Variants in SLC6A6 observed in about 807,000 individuals in gnomAD.
The protein encoded by SLC6A6 is sodium- and chloride-dependent taurine transporter.
SLC6A6 carries 16 observed loss-of-function variants against 68.8 expected under a neutral mutation model. The observed-to-expected ratio is 0.23, with a 90% confidence interval of 0.16 to 0.35. SLC6A6 has a LOEUF of 0.35. Ranked by LOEUF, SLC6A6 falls within the 10% of genes least tolerant of loss-of-function variation. The pLI is 1.00. For missense variants in SLC6A6, 474 were observed against 802.8 expected (o/e 0.59, Z 4.95); for synonymous variants, 312 against 315.4 (o/e 0.99, Z 0.12).
At chr3:14,438,607 G>A (rs1699913112) in intron 2 of SLC6A6, among the ~76,000 whole-genome samples, 1 of 152,314 alleles carries the variant, frequency 6.6e-6, no homozygotes, top group East Asian at 1.9e-4. Flanking sequence ...TGGGACTCTA[G>A]GAGCTGCTTG....
intron 14 of SLC6A6, among the ~76,000 whole-genome samples, chr3:14,482,748 C>T (rs1701037233): frequency 6.6e-6 from 1 of 152,030 alleles, no homozygotes; most frequent in Non-Finnish European, 1.5e-5. Flanking sequence ...TGGGGGGGCC[C>T]CTGGGGTTAT....
intron 1 of SLC6A6, among the ~76,000 whole-genome samples, chr3:14,410,261 T>C (rs1699219164): frequency 1.3e-5 from 2 of 151,368 alleles, no homozygotes; most frequent in African/African-American, 4.9e-5. Context: ...CATTCATTGC[T>C]TGTGTGAACC....
intron 1 of SLC6A6, among the ~76,000 whole-genome samples, chr3:14,403,417 C>T (rs1699033327): frequency 1.3e-5 from 2 of 152,120 alleles, no homozygotes; most frequent in African/African-American, 2.4e-5. Context: ...GTGCGTGTCC[C>T]TGAGTGTGGT....
At chr3:14,417,548 G>A (rs373175042) in intron 2 of SLC6A6, among the ~76,000 whole-genome samples, 20 of 151,974 alleles carry the variant, frequency 1.3e-4, no homozygotes, top group African/African-American at 2.4e-4. Flanking sequence ...TGGCTAACAC[G>A]GTGAAACCCT....
rs1701132207 is a variant in SLC6A6 at position 14,485,420 on chromosome 3, A to G, written c.*413A>G. ...GCAATAGATCTCATTTTCAAAAGCAATTCTTCGGTGCTGTGTAGCTGGCAG... is the reference window on the plus strand; with the variant it reads ...GCAATAGATCTCATTTTCAAAAGCAGTTCTTCGGTGCTGTGTAGCTGGCAG... On this transcript the variant is annotated 3_prime_UTR_variant, in exon 15 of 15. Coordinates refer to ENST00000622186, the MANE Select transcript of SLC6A6 (RefSeq NM_003043.6). The G allele has an allele frequency of 6.4e-6, 1 of 156,244 alleles. No individual in the cohort carries two copies. Among genetic ancestry groups the G allele is most frequent in the Non-Finnish European group, 1.4e-5 (1 of 70,326 alleles). 9.7% of individuals were successfully genotyped at this position (156,244 alleles called of 1,614,324 possible). A position where few individuals can be genotyped will look rare whatever the true frequency, so the allele number is the denominator to read the frequency against.
intron 5 of SLC6A6, chr3:14,448,178 A>G (rs774576074): frequency 3.2e-5 from 25 of 772,770 alleles, no homozygotes; most frequent in Middle Eastern, 5.6e-4. Context: ...CTGTTATTGC[A>G]CAGAGAAAAA....
chr3:14,427,688 C>T (rs149480319), intron 2 of SLC6A6, among the ~76,000 whole-genome samples: 13 of 152,280 alleles, frequency 8.5e-5, no homozygotes, highest in Admixed American at 6.5e-4. Flanking sequence ...GGTAACATTC[C>T]TCTCCTGAAG....
intron 2 of SLC6A6, among the ~76,000 whole-genome samples, chr3:14,437,012 G>A (rs1211326985): frequency 1.3e-5 from 2 of 151,004 alleles, no homozygotes; most frequent in Non-Finnish European, 2.9e-5. Flanking sequence ...GACTTCAGAG[G>A]CCAAGACAGA....
intron 7 of SLC6A6, among the ~76,000 whole-genome samples, chr3:14,467,132 G>A (rs1487838861): frequency 2.0e-5 from 3 of 152,176 alleles, no homozygotes; most frequent in Non-Finnish European, 4.4e-5. Context: ...ACTCAGCCTT[G>A]TGACCTTGGG....
intron 2 of SLC6A6, among the ~76,000 whole-genome samples, chr3:14,434,999 C>T (rs540610501): frequency 5.9e-5 from 9 of 152,294 alleles, no homozygotes; most frequent in South Asian, 4.1e-4. Context: ...AGACTCATAC[C>T]GTGTCTCGCC....
In SLC6A6 at chr3:14,468,821, G is replaced by A. The variant is rs1700687568; in HGVS notation, c.1096+609G>A. Among the ~76,000 whole-genome samples, 1 of 152,166 alleles carries A rather than the reference G, an allele frequency of 6.6e-6. No homozygotes were observed. Among genetic ancestry groups the A allele is most frequent in the Non-Finnish European group, 1.5e-5 (1 of 68,024 alleles). On this transcript the variant is annotated intron_variant, in intron 9 of 14. Coordinates refer to ENST00000622186, the MANE Select transcript of SLC6A6 (RefSeq NM_003043.6). The surrounding 1 kb of genome is among the most constrained non-coding windows in gnomAD (Gnocchi z 4.5). ...TAAGCACAGTGTCGCCCCTCGGGGT[G>A]TGGGCCCTGTTGACCAGGCACTCTT...
intron 4 of SLC6A6, 37 bp downstream of exon 4, chr3:14,445,888 T>C (rs1439758749): frequency 6.2e-7 from 1 of 1,608,832 alleles, no homozygotes; most frequent in Admixed American, 1.7e-5. Context: ...GGCCTGGCAC[T>C]CATCAGTTCC....
chr3:14,437,792 CTTATTTAT>C (rs576418195), intron 2 of SLC6A6, among the ~76,000 whole-genome samples: 2,215 of 151,242 alleles, frequency 0.015, 55 homozygotes, highest in African/African-American at 0.051. Context: ...TCCACTTTTT[CTTATTTAT>C]TTATTTATTT....
chr3:14,424,152 G>T (rs1699539787), intron 2 of SLC6A6, among the ~76,000 whole-genome samples: 1 of 152,174 alleles, frequency 6.6e-6, no homozygotes, highest in South Asian at 2.1e-4. Flanking sequence ...AAATCTCTAA[G>T]CATATAAACA....
intron 9 of SLC6A6, among the ~76,000 whole-genome samples, chr3:14,471,460 A>G (rs1028089180): frequency 2.0e-5 from 3 of 152,154 alleles, no homozygotes; most frequent in African/African-American, 7.2e-5. Context: ...ATTTATGGCC[A>G]CCTGCCCCTC....
chr3:14,480,021 A>C (rs182565368), intron 13 of SLC6A6, among the ~76,000 whole-genome samples: 23 of 152,316 alleles, frequency 1.5e-4, no homozygotes, highest in Middle Eastern at 3.4e-3. Context: ...GTGACCTGCT[A>C]TCAGGCCAGA....
At chr3:14,403,244 T>G (rs1276060433) in intron 1 of SLC6A6, among the ~76,000 whole-genome samples, 1 of 152,086 alleles carries the variant, frequency 6.6e-6, no homozygotes, top group African/African-American at 2.4e-5. Flanking sequence ...TGTGTTCCGG[T>G]GCATGTCTGT....
At chr3:14,445,022 GC>G (rs1700081362) in intron 3 of SLC6A6, among the ~76,000 whole-genome samples, 1 of 149,576 alleles carries the variant, frequency 6.7e-6, no homozygotes, top group African/African-American at 2.5e-5. Context: ...GTAGGTGAAG[GC>G]CCCAACAAAG....
At chr3:14,413,852 C>T (rs1441387555) in intron 1 of SLC6A6, among the ~76,000 whole-genome samples, 3 of 152,100 alleles carry the variant, frequency 2.0e-5, no homozygotes, top group Admixed American at 6.5e-5. Context: ...CATAAAATTA[C>T]GCAGCAAGTT....
Sources: allele counts gnomAD v4.1 joint callset (sites outside exome capture counted in the v4.1 genomes callset), GRCh38; gene constraint gnomAD v4.1.1; non-coding constraint Gnocchi (gnomAD v3.1); transcripts MANE v1.5; gene names NCBI Gene and HGNC (gene_info 2026-07-23, HGNC 2026-07-21).